Variants in LAMA4 observed in about 807,000 individuals in gnomAD.
LAMA4 encodes the protein laminin subunit alpha-4.
A neutral mutation model predicts 207.1 loss-of-function variants in LAMA4; 127 were observed. That is an observed-to-expected ratio of 0.61 (90% CI 0.53 to 0.71). The LOEUF (loss-of-function observed/expected upper bound fraction) is 0.71. Among genes scored for constraint, LAMA4 ranks in the 30% least tolerant of loss-of-function variants. The pLI is 0.00. For synonymous variants in LAMA4, 761 were observed against 816.0 expected, an observed-to-expected ratio of 0.93 and a Z score of 1.15; for missense variants, 2,093 against 2,246.5, an observed-to-expected ratio of 0.93 and a Z score of 1.38.
At chr6:112,182,148 T>C (rs1450204212) in intron 9 of LAMA4, among the ~76,000 whole-genome samples, 2 of 151,984 alleles carry the variant, frequency 1.3e-5, no homozygotes, top group South Asian at 2.1e-4. Flanking sequence ...TATACAGATG[T>C]TCAATAATGC....
intron 36 of LAMA4, among the ~76,000 whole-genome samples, chr6:112,115,487 TAC>T (rs1319624950): frequency 3.3e-5 from 5 of 152,180 alleles, no homozygotes; most frequent in Non-Finnish European, 5.9e-5. Flanking sequence ...CTAGTACACA[TAC>T]ATATATCTGA....
chr6:112,182,825 A>G (rs1782447494), intron 9 of LAMA4, among the ~76,000 whole-genome samples: 1 of 152,180 alleles, frequency 6.6e-6, no homozygotes, highest in Non-Finnish European at 1.5e-5. Flanking sequence ...CTCTGGGAAC[A>G]TGGAAAAGTA....
chr6:112,134,423 A>G, intron 26 of LAMA4, 44 bp downstream of exon 26: 3 of 1,606,564 alleles, frequency 1.9e-6, no homozygotes, highest in East Asian at 4.5e-5. Context: ...TTGCCAGCCC[A>G]GTACATTGCT....
At chr6:112,188,329 G>A (rs1442567533) in intron 7 of LAMA4, among the ~76,000 whole-genome samples, 1 of 152,186 alleles carries the variant, frequency 6.6e-6, no homozygotes, top group African/African-American at 2.4e-5. Flanking sequence ...CAGGCTTGGT[G>A]GGGGAGATGC....
rs1218566330 is a variant in LAMA4, at chr6:112,120,220, A to G, written c.4665+63T>C. ...TTTCTAGAGAGAGTAATGGAGGCCC[A>G]TTAGTGTCCATTTGACAATGGTAGC... is the stretch of plus-strand genomic sequence containing the variant. On this transcript the variant is annotated intron_variant, in intron 33 of 38. Transcript: ENST00000230538. 5.3e-6 allele frequency: 7 copies of G among 1,325,714 alleles called. No individual in the cohort carries two copies. In the African/African-American group the frequency reaches 7.3e-5, roughly 14 times the overall value. 82.1% of individuals were successfully genotyped at this position (1,325,714 alleles called of 1,614,324 possible). A position where few individuals can be genotyped will look rare whatever the true frequency, so the allele number is the denominator to read the frequency against.
In LAMA4 at chr6:112,135,815, T is replaced by C. The variant is rs142587326; in HGVS notation, c.3414+308A>G. Reference sequence around the variant, plus strand: ...CACTCTGGCTCATTCAACAAATGTATAGAAGTATCCTGTAGGAATACCAAT... The same window carrying C: ...CACTCTGGCTCATTCAACAAATGTACAGAAGTATCCTGTAGGAATACCAAT... On this transcript the variant is annotated intron_variant, in intron 25 of 38. Coordinates refer to ENST00000230538, the MANE Select transcript of LAMA4 (RefSeq NM_001105206.3). 1.3e-3 allele frequency: 458 copies of C among 340,548 alleles called. 3 individuals are homozygous for C. Among genetic ancestry groups the C allele is most frequent in the African/African-American group, 9.3e-3 (436 of 46,740 alleles). The allele number at this position is 340,548 out of a possible 1,614,324, so 21.1% of individuals were successfully genotyped here.
At chr6:112,214,046 A>T (rs782714670) in intron 3 of LAMA4, 3 of 763,168 alleles carry the variant, frequency 3.9e-6, no homozygotes, top group Non-Finnish European at 2.4e-6. Context: ...GAAGCTGAAA[A>T]ACCTGGGTCT....
intron 32 of LAMA4, 85 bp from the exon 33 acceptor site, chr6:112,120,557 A>G: frequency 1.0e-6 from 1 of 999,206 alleles, no homozygotes; most frequent in Non-Finnish European, 1.6e-6. Context: ...CAGTGTAAGG[A>G]AGAATAAACA....
At position 112,192,414 on chromosome 6, in the gene LAMA4, G is replaced by A. The variant is rs528606235; in HGVS notation, c.504-564C>T. Among the ~76,000 whole-genome samples the A allele has an allele frequency of 1.2e-3, 180 of 152,352 alleles. 1 individual carries two copies. The highest frequency in any genetic ancestry group is 4.2e-3 in the African/African-American group (174 of 41,588). On this transcript the variant is annotated intron_variant, in intron 5 of 38. Coordinates refer to ENST00000230538, the MANE Select transcript of LAMA4 (RefSeq NM_001105206.3). The stretch of plus-strand genomic sequence containing the variant: ...TTCTCTCCATCTTCAGGTGAAGGAA[G>A]AGGCAGCAGGTAGTACGCTTAGCTC...
intron 5 of LAMA4, 64 bp from the exon 6 acceptor site, chr6:112,191,914 T>G (rs1783144045): frequency 3.2e-6 from 4 of 1,255,838 alleles, no homozygotes; most frequent in Non-Finnish European, 4.6e-6. Flanking sequence ...TTAATCTTCT[T>G]TCCTACAAAG....
At chr6:112,247,487 A>C (rs1319087115) in intron 2 of LAMA4, among the ~76,000 whole-genome samples, 1 of 152,220 alleles carries the variant, frequency 6.6e-6, no homozygotes, top group African/African-American at 2.4e-5. Flanking sequence ...TCACTTATGA[A>C]TCCAAATTCT....
intron 32 of LAMA4, among the ~76,000 whole-genome samples, chr6:112,120,699 A>G (rs147590757): frequency 3.5e-4 from 53 of 152,318 alleles, no homozygotes; most frequent in African/African-American, 1.2e-3. Context: ...TGTATCCCAC[A>G]TTTGAGGAAA....
intron 23 of LAMA4, among the ~76,000 whole-genome samples, 190 bp from the exon 24 acceptor site, chr6:112,139,481 C>G (rs1779553411): frequency 1.3e-5 from 2 of 152,304 alleles, no homozygotes; most frequent in South Asian, 4.1e-4. Context: ...CTTCTGTATC[C>G]TGTGTGCTAA....
At chr6:112,178,599 A>G (rs1006672157) in intron 9 of LAMA4, 2 of 289,360 alleles carry the variant, frequency 6.9e-6, no homozygotes, top group Non-Finnish European at 1.3e-5. Flanking sequence ...GCAAGTCCCC[A>G]AAGTCCATTG....
At chr6:112,121,950 T>C (rs111583994) in intron 32 of LAMA4, 64 bp downstream of exon 32, 1 of 1,435,042 alleles carries the variant, frequency 7.0e-7, no homozygotes, top group East Asian at 2.3e-5. Flanking sequence ...CGATGACATG[T>C]GACAAACAAA....
At chr6:112,224,168 A>T (rs534696347) in intron 2 of LAMA4, among the ~76,000 whole-genome samples, 1 of 152,338 alleles carries the variant, frequency 6.6e-6, no homozygotes, top group Non-Finnish European at 1.5e-5. Context: ...AGGTGCTTCA[A>T]CCTGTGTTGG....
intron 13 of LAMA4, among the ~76,000 whole-genome samples, chr6:112,163,089 A>C (rs1015972705): frequency 6.7e-6 from 1 of 148,678 alleles, no homozygotes; most frequent in Non-Finnish European, 1.5e-5. Context: ...CTCCCATCTC[A>C]GCCTCCTGAG....
At chr6:112,150,155 T>C (rs1407684368) in intron 17 of LAMA4, among the ~76,000 whole-genome samples, 1 of 150,580 alleles carries the variant, frequency 6.6e-6, no homozygotes, top group Non-Finnish European at 1.5e-5. Context: ...AGGATGTTCA[T>C]AAGAAAGCCA....
At chr6:112,183,157 A>G (rs782162009) in intron 9 of LAMA4, among the ~76,000 whole-genome samples, 1 of 152,246 alleles carries the variant, frequency 6.6e-6, no homozygotes, top group Admixed American at 6.5e-5. Context: ...TTTTATACAC[A>G]ATGAACTCCT....
Sources: gnomAD v4.1 joint callset for allele counts (sites outside exome capture counted in the v4.1 genomes callset) on GRCh38, gnomAD v4.1.1 for gene constraint, MANE v1.5 for transcripts, NCBI Gene and HGNC (gene_info 2026-07-23, HGNC 2026-07-21) for gene names.